Variants in EXOC4 observed in about 807,000 individuals in gnomAD.
EXOC4 encodes the protein exocyst complex component 4, also known as SEC8-like 1.
A neutral mutation model predicts 107.2 loss-of-function variants in EXOC4; 71 were observed. That is an observed-to-expected ratio of 0.66 (90% CI 0.55 to 0.81). The LOEUF is 0.81. Ranked by LOEUF, EXOC4 falls within the 30% of genes least tolerant of loss-of-function variation. The pLI, the probability that EXOC4 is intolerant of heterozygous loss-of-function variation, is 0.00. For missense variants in EXOC4, 1,108 were observed against 1,189.6 expected (o/e 0.93, Z 1.01); for synonymous variants, 456 against 441.2 (o/e 1.03, Z -0.42).
At chr7:133,511,213 A>C (rs1418203990) in intron 9 of EXOC4, among the ~76,000 whole-genome samples, 1 of 152,158 alleles carries the variant, frequency 6.6e-6, no homozygotes, top group East Asian at 1.9e-4. Flanking sequence ...TTTTATTTTA[A>C]ATTTTACATG....
chr7:133,832,763 AC>A (rs1304646502), intron 11 of EXOC4, among the ~76,000 whole-genome samples: 5 of 152,200 alleles, frequency 3.3e-5, no homozygotes, highest in African/African-American at 1.2e-4. Flanking sequence ...TGTTATAAAC[AC>A]TTATGTTTAG....
chr7:134,066,640 C>T (rs563593587), downstream of EXOC4: 7 of 152,260 alleles, frequency 4.6e-5, no homozygotes, highest in African/African-American at 1.7e-4. Context: ...TCAATGGCTA[C>T]CTCACAACCT....
At chr7:133,972,288 A>T (rs970011045) in intron 14 of EXOC4, among the ~76,000 whole-genome samples, 2 of 151,976 alleles carry the variant, frequency 1.3e-5, no homozygotes, top group Non-Finnish European at 2.9e-5. Context: ...ATTATTTTCC[A>T]TTTTTTCAAT....
Position 133,944,526 on chromosome 7 carries a change from G to A in EXOC4, c.2206+6457G>A, listed in dbSNP as rs142796107. Among the ~76,000 whole-genome samples the A allele has an allele frequency of 6.9e-3, 1,047 of 152,218 alleles. 15 individuals carry two copies. Among genetic ancestry groups the A allele is most frequent in the African/African-American group, 0.024 (1,003 of 41,520 alleles). On this transcript the variant is annotated intron_variant, in intron 14 of 17. Transcript: ENST00000253861. Reference sequence around the variant, plus strand: ...GTGTAACTGATTACTGATGATGTCTGGGATTGACTTTGTGCCTCCAATTTG... The same window carrying A: ...GTGTAACTGATTACTGATGATGTCTAGGATTGACTTTGTGCCTCCAATTTG...
intron 10 of EXOC4, among the ~76,000 whole-genome samples, chr7:133,696,612 A>C (rs6944149): frequency 0.49 from 74,279 of 151,982 alleles, 18,767 homozygotes; most frequent in South Asian, 0.62. Context: ...GTATGTTTCC[A>C]CTCAAATTCT....
chr7:133,458,187 G>A (rs1461244461), intron 7 of EXOC4, among the ~76,000 whole-genome samples: 1 of 152,122 alleles, frequency 6.6e-6, no homozygotes, highest in Non-Finnish European at 1.5e-5. Flanking sequence ...GCACTTATTG[G>A]TTGTTTTACC....
At chr7:133,469,077 A>G (rs922133683) in intron 7 of EXOC4, among the ~76,000 whole-genome samples, 2 of 152,184 alleles carry the variant, frequency 1.3e-5, no homozygotes, top group African/African-American at 2.4e-5. Flanking sequence ...AAGAGGACCA[A>G]TATACTATGG....
chr7:133,994,883 A>T (rs1013954497), intron 14 of EXOC4, among the ~76,000 whole-genome samples: 8 of 152,004 alleles, frequency 5.3e-5, no homozygotes, highest in African/African-American at 1.7e-4. Flanking sequence ...AGAGCTAGTT[A>T]ATTGCTTTTG....
chr7:133,659,000 CTTTTTTTTTTTTTTTTT>C (rs397890140), intron 10 of EXOC4, among the ~76,000 whole-genome samples: 8 of 40,110 alleles, frequency 2.0e-4, no homozygotes, highest in Admixed American at 2.0e-3. Context: ...TTCAGAGAAG[CTTTTTTTTTTTTTTTTT>C]TTTTTTTTTT....
At chr7:134,080,410 TTTGTTG>T in the EXOC4 span, among the ~76,000 whole-genome samples, 2,329 of 151,344 alleles carry the variant, frequency 0.015, 62 homozygotes, top group African/African-American at 0.053. Context: ...TATTAATAAG[TTTGTTG>T]TTGTTGTTGT....
chr7:133,833,005 T>A (rs115694639), intron 11 of EXOC4, among the ~76,000 whole-genome samples: 69 of 152,168 alleles, frequency 4.5e-4, no homozygotes, highest in African/African-American at 1.6e-3. Flanking sequence ...ATAGAAAATA[T>A]AATATTTAGC....
intron 6 of EXOC4, among the ~76,000 whole-genome samples, chr7:133,367,041 G>T (rs1180112650): frequency 6.6e-6 from 1 of 152,118 alleles, no homozygotes; most frequent in East Asian, 1.9e-4. Context: ...AGGATTTTTT[G>T]CTGGGGCAAG....
chr7:133,767,491 T>C (rs1256085931), intron 10 of EXOC4, among the ~76,000 whole-genome samples: 2 of 151,928 alleles, frequency 1.3e-5, no homozygotes, highest in African/African-American at 4.8e-5. Flanking sequence ...GTTTTATATG[T>C]ACCATGTACA....
chr7:133,717,693 C>A (rs1306994129), intron 10 of EXOC4, among the ~76,000 whole-genome samples: 4 of 152,144 alleles, frequency 2.6e-5, no homozygotes, highest in African/African-American at 7.2e-5. Flanking sequence ...ACACACACAA[C>A]AAGCAAATAT....
At chr7:133,582,555 T>A (rs1311346607) in intron 9 of EXOC4, among the ~76,000 whole-genome samples, 1 of 152,124 alleles carries the variant, frequency 6.6e-6, no homozygotes, top group African/African-American at 2.4e-5. Flanking sequence ...GACATTTCAG[T>A]AGTCCTTATG....
At position 133,258,029 on chromosome 7, in the gene EXOC4, T is replaced by C. The variant is rs1339234769; in HGVS notation, c.86+4842T>C. On this transcript the variant is annotated intron_variant, in intron 1 of 17. Transcript: ENST00000253861. ...AGTTGGGTGAGGTGTTAATGTTCTT[T>C]CCATCACCATCTCTTCTTTTCATTT... is the stretch of plus-strand genomic sequence containing the variant. Among the ~76,000 whole-genome samples the C allele has an allele frequency of 2.6e-5, 4 of 152,204 alleles. No homozygotes were observed. The East Asian group carries it at 7.7e-4, about 29-fold the overall frequency.
chr7:134,068,372 G>A (rs7779980), downstream of EXOC4, among the ~76,000 whole-genome samples: 2 of 151,968 alleles, frequency 1.3e-5, no homozygotes, highest in Non-Finnish European at 2.9e-5. Context: ...GTGAATTAGT[G>A]TCACAGCATC....
chr7:133,258,284 C>T (rs1056834115), intron 1 of EXOC4, among the ~76,000 whole-genome samples: 4 of 152,186 alleles, frequency 2.6e-5, no homozygotes, highest in Non-Finnish European at 4.4e-5. Flanking sequence ...CCTCGTGTAA[C>T]TGTTAACACT....
intron 9 of EXOC4, among the ~76,000 whole-genome samples, chr7:133,485,862 C>A (rs1354078605): frequency 6.6e-6 from 1 of 152,062 alleles, no homozygotes; most frequent in Admixed American, 6.6e-5. Flanking sequence ...TGTCTTTTCT[C>A]ATTTTTAAGG....
Sources: gnomAD v4.1 joint callset for allele counts (sites outside exome capture counted in the v4.1 genomes callset) on GRCh38, gnomAD v4.1.1 for gene constraint, MANE v1.5 for transcripts, NCBI Gene and HGNC (gene_info 2026-07-23, HGNC 2026-07-21) for gene names.